Variants in MET observed in about 807,000 individuals in gnomAD.
MET encodes the protein MET proto-oncogene, receptor tyrosine kinase, also known as hepatocyte growth factor receptor.
A neutral mutation model predicts 133.1 loss-of-function variants in MET; 48 were observed. The observed-to-expected ratio is 0.36, with a 90% CI of 0.29 to 0.46. The LOEUF (loss-of-function observed/expected upper bound fraction) is 0.46. Ranked by LOEUF, MET falls within the 20% of genes least tolerant of loss-of-function variation. The probability of loss-of-function intolerance (pLI) is 1.00; values close to 1 mark genes in which losing one functional copy is unlikely to be tolerated. For missense variants in MET, 1,442 were observed against 1,695.9 expected, an observed-to-expected ratio of 0.85 and a Z score of 2.63; for synonymous variants, 628 against 616.5, an observed-to-expected ratio of 1.02 and a Z score of -0.28.
chr7:116,708,526 T>C (rs1791880780), intron 2 of MET, among the ~76,000 whole-genome samples: 2 of 152,286 alleles, frequency 1.3e-5, no homozygotes, highest in Admixed American at 1.3e-4. Flanking sequence ...TTTCCTGCCT[T>C]AAAATAAACA....
intron 19 of MET, among the ~76,000 whole-genome samples, chr7:116,794,519 A>T (rs1386355015): frequency 6.6e-6 from 1 of 152,240 alleles, no homozygotes; most frequent in Non-Finnish European, 1.5e-5. Flanking sequence ...AATTTGTATC[A>T]GCAATTACAG....
intron 17 of MET, among the ~76,000 whole-genome samples, chr7:116,781,691 C>A (rs1795158469): frequency 6.6e-6 from 1 of 152,120 alleles, no homozygotes; most frequent in South Asian, 2.1e-4. Flanking sequence ...CCTCAGACTC[C>A]TAAGCAGCTG....
In MET at chr7:116,695,394, A is replaced by G. The variant is rs540541578; in HGVS notation, c.-14-3677A>G. 3.9e-5 allele frequency among the ~76,000 whole-genome samples: 6 copies of G among 152,372 alleles called. 1 individual carries two copies. In the South Asian group the frequency reaches 1.2e-3, roughly 32 times the overall value. On this transcript the variant is annotated intron_variant, in intron 1 of 20. Coordinates refer to ENST00000397752, the MANE Select transcript of MET (RefSeq NM_000245.4). ...AAACAATGAGAATTACAGATAAAAT[A>G]GCAAGCATTTATATATACTCTATAT...
At chr7:116,769,580 C>T (rs2116981514) in intron 11 of MET, 65 bp from the exon 12 acceptor site, 1 of 1,580,366 alleles carries the variant, frequency 6.3e-7, no homozygotes, top group Non-Finnish European at 8.7e-7. Flanking sequence ...TATTCCTTTG[C>T]CATTGTTAGC....
At position 116,731,841 on chromosome 7, in the gene MET, A is replaced by G. The variant is rs755165691; in HGVS notation, c.1374A>G (p.Ser458=). Residue 458 remains serine (S), a synonymous_variant, in exon 3 of 21, where the codon TCA becomes TCG. Coordinates refer to ENST00000397752, the MANE Select transcript of MET (RefSeq NM_000245.4). ...TCACCATAGCTAATCTTGGGACATCAGAGGGTCGCTTCATGCAGGTAAGTG... is the reference window on the plus strand; with the variant it reads ...TCACCATAGCTAATCTTGGGACATCGGAGGGTCGCTTCATGCAGGTAAGTG... The part of the protein sequence containing the change: ...GDLTIANLGT[S]EGRFMQVVVS... 8.1e-6 allele frequency: 13 copies of G among 1,613,976 alleles called. No homozygotes were observed. In the East Asian group the frequency reaches 2.2e-4, roughly 28 times the overall value.
chr7:116,790,322 T>C (rs1052652560), intron 19 of MET, among the ~76,000 whole-genome samples: 51 of 152,342 alleles, frequency 3.3e-4, no homozygotes, highest in African/African-American at 1.2e-3. Flanking sequence ...TCTAAGAGTT[T>C]GACTACTTCA....
rs535340888 is a variant in MET at position 116,723,904 on chromosome 7, T to C, written c.1201-7764T>C. On this transcript the variant is annotated intron_variant, in intron 2 of 20. Coordinates refer to ENST00000397752, the MANE Select transcript of MET (RefSeq NM_000245.4). ...TCTTCAAAGCTGTCAGACAGGGACA[T>C]TTAAGTCTGCAGAGGTTACTGCTGT... Among the ~76,000 whole-genome samples, 183 of 152,344 alleles carry C rather than the reference T, an allele frequency of 1.2e-3. 1 individual carries two copies. In the East Asian group the frequency reaches 0.029, roughly 24 times the overall value.
At chr7:116,718,635 C>T (rs1235395044) in intron 2 of MET, among the ~76,000 whole-genome samples, 1 of 120,650 alleles carries the variant, frequency 8.3e-6, no homozygotes, top group Non-Finnish European at 1.7e-5. Context: ...AATGCTATCC[C>T]TCCCCCCTCC....
chr7:116,687,286 A>G (rs753027254), intron 1 of MET, among the ~76,000 whole-genome samples: 7 of 152,222 alleles, frequency 4.6e-5, no homozygotes, highest in Non-Finnish European at 7.3e-5. Context: ...TGATTTTTCA[A>G]GGATCCAGAG....
At position 116,796,171 on chromosome 7, in the gene MET, T is replaced by G; in HGVS notation, c.*47T>G. 6.4e-7 allele frequency: 1 copy of G among 1,559,548 alleles called. No individual in the cohort carries two copies. Among genetic ancestry groups the G allele is most frequent in the Non-Finnish European group, 8.8e-7 (1 of 1,133,054 alleles). On this transcript the variant is annotated 3_prime_UTR_variant, in exon 21 of 21. Coordinates refer to ENST00000397752, the MANE Select transcript of MET (RefSeq NM_000245.4). ...ACAGTCCACACTTTGTCCAATGGTT[T>G]TTTCACTGCCTGACCTTTAAAAGGC...
At chr7:116,762,813 G>C (rs1794446111) in intron 10 of MET, among the ~76,000 whole-genome samples, 1 of 152,172 alleles carries the variant, frequency 6.6e-6, no homozygotes, top group South Asian at 2.1e-4. Flanking sequence ...GCTTCAGATA[G>C]ATCAGCACAG....
At chr7:116,735,825 G>C (rs1022335309) in intron 3 of MET, among the ~76,000 whole-genome samples, 5 of 144,834 alleles carry the variant, frequency 3.5e-5, no homozygotes, top group Non-Finnish European at 6.0e-5. Flanking sequence ...TGCCCAGGCT[G>C]GAGTGCAGTG....
At chr7:116,721,434 C>T (rs1185038228) in intron 2 of MET, among the ~76,000 whole-genome samples, 3 of 152,100 alleles carry the variant, frequency 2.0e-5, no homozygotes, top group Non-Finnish European at 4.4e-5. Flanking sequence ...TTTCAAAAAA[C>T]CAGCTCCTGG....
chr7:116,785,236 G>A (rs753979601), intron 19 of MET, among the ~76,000 whole-genome samples: 5 of 152,170 alleles, frequency 3.3e-5, no homozygotes, highest in Non-Finnish European at 7.3e-5. Flanking sequence ...CCAGGCACAC[G>A]GTGCAAACTG....
Position 116,783,351 on chromosome 7 carries a change from G to A in MET, c.3680G>A (p.Arg1227Lys), listed in dbSNP as rs2117065943. ...TVKVADFGLA[R>K]DMYDKEYYSV... ...AAGGTTGCTGATTTTGGTCTTGCCA[G>A]AGACATGTATGATAAAGAATACTAT... The change falls in exon 19 of 21, where the codon AGA becomes AAA. Residue 1227 changes from arginine (R) to lysine (K), a missense_variant. By Grantham distance (26) the Arg-to-Lys change is conservative. Coordinates refer to ENST00000397752, the MANE Select transcript of MET (RefSeq NM_000245.4). The A allele has an allele frequency of 6.2e-7, 1 of 1,614,148 alleles. No homozygotes were observed. The highest frequency in any genetic ancestry group is 8.5e-7 in the Non-Finnish European group (1 of 1,180,020).
intron 2 of MET, among the ~76,000 whole-genome samples, chr7:116,708,237 T>G (rs1236700359): frequency 6.6e-6 from 1 of 152,188 alleles, no homozygotes. Context: ...ATTTGGTAGT[T>G]GAGTCACAAA....
intron 5 of MET, among the ~76,000 whole-genome samples, chr7:116,747,408 C>A (rs1035338828): frequency 6.6e-6 from 1 of 152,042 alleles, no homozygotes. Context: ...CACACATAGG[C>A]TCAAAATAAA....
At chr7:116,716,685 G>T (rs375317290) in intron 2 of MET, among the ~76,000 whole-genome samples, 1 of 152,166 alleles carries the variant, frequency 6.6e-6, no homozygotes, top group Non-Finnish European at 1.5e-5. Context: ...CATCAATGGC[G>T]TATTCAAACA....
intron 15 of MET, among the ~76,000 whole-genome samples, chr7:116,776,986 A>G (rs936478068): frequency 1.3e-5 from 2 of 152,190 alleles, no homozygotes; most frequent in African/African-American, 4.8e-5. Flanking sequence ...ATTTTATTAT[A>G]GTTCTTCATG....
Sources: gnomAD v4.1 joint callset for allele counts (sites outside exome capture counted in the v4.1 genomes callset) on GRCh38, gnomAD v4.1.1 for gene constraint, MANE v1.5 for transcripts, NCBI Gene and HGNC (gene_info 2026-07-23, HGNC 2026-07-21) for gene names.